The following FEM1C variants were observed in gnomAD, a reference collection of about 807,000 sequenced individuals.
FEM1C encodes fem-1 homolog C, also known as protein fem-1 homolog C.
A neutral mutation model predicts 37.6 loss-of-function variants in FEM1C; 15 were observed. That is an observed-to-expected ratio of 0.40 (90% CI 0.27 to 0.61). FEM1C has a LOEUF of 0.61. Among genes scored for constraint, FEM1C ranks in the 20% least tolerant of loss-of-function variants. The probability of loss-of-function intolerance (pLI) is 0.42; values close to 1 mark genes in which losing one functional copy is unlikely to be tolerated. For missense variants in FEM1C, 532 were observed against 749.7 expected (o/e 0.71, Z 3.39); for synonymous variants, 287 against 272.8 (o/e 1.05, Z -0.51).
In FEM1C at chr5:115,521,447, G is replaced by T. The variant is rs556109913; in HGVS notation, c.*2861C>A. ...TCATAATGGGCACCAAATTATCTTT[G>T]ATTTGGGTTTATGCCTGTCAGATTT... On this transcript the variant is annotated 3_prime_UTR_variant, in exon 3 of 3. Coordinates refer to ENST00000274457, the MANE Select transcript of FEM1C (RefSeq NM_020177.3). The T allele has an allele frequency of 6.6e-6, 1 of 151,868 alleles. No homozygotes were observed. The highest frequency in any genetic ancestry group is 1.5e-5 in the Non-Finnish European group (1 of 67,774). The allele number at this position is 151,868 out of a possible 1,614,324, so 9.4% of individuals were successfully genotyped here. A position where few individuals can be genotyped will look rare whatever the true frequency, so the allele number is the denominator to read the frequency against.
At chr5:115,535,674 T>G (rs1754110680) in intron 2 of FEM1C, among the ~76,000 whole-genome samples, 1 of 151,978 alleles carries the variant, frequency 6.6e-6, no homozygotes, top group Non-Finnish European at 1.5e-5. Context: ...CTGGTACAAC[T>G]GCTTTGAAAA....
intron 2 of FEM1C, among the ~76,000 whole-genome samples, chr5:115,532,727 A>G (rs1754042657): frequency 6.6e-6 from 1 of 152,080 alleles, no homozygotes; most frequent in Non-Finnish European, 1.5e-5. Context: ...AACTACACAG[A>G]TTCTACATAA....
chr5:115,528,958 G>C (rs954267502), intron 2 of FEM1C, among the ~76,000 whole-genome samples: 5 of 152,052 alleles, frequency 3.3e-5, no homozygotes, highest in Admixed American at 1.3e-4. Flanking sequence ...CAGCTGAATA[G>C]AGAATTAGTA....
intron 2 of FEM1C, among the ~76,000 whole-genome samples, chr5:115,535,034 A>G (rs1055210903): frequency 6.6e-6 from 1 of 152,038 alleles, no homozygotes; most frequent in Non-Finnish European, 1.5e-5. Context: ...AAATTGTATC[A>G]TTCCTCTTTA....
rs1753846142 is a variant in FEM1C at position 115,524,591 on chromosome 5, C to T, written c.1571G>A (p.Arg524Lys). The T allele has an allele frequency of 3.7e-6, 6 of 1,611,814 alleles. No homozygotes were observed. In the Admixed American group the frequency reaches 1.0e-4, roughly 27 times the overall value. ...CAGGGGACTGTTGTCATCCGAGTCTCTGACGTTCACATCAGCACCACATTC... is the reference window on the plus strand; with the variant it reads ...CAGGGGACTGTTGTCATCCGAGTCTTTGACGTTCACATCAGCACCACATTC... ...LIECGADVNV[R>K]DSDDNSPLHI... Residue 524 changes from arginine to lysine, a missense_variant, in exon 3 of 3, where the codon AGA (arginine) becomes AAA (lysine). Around this residue, in one of 3 missense-constraint regions of FEM1C, gnomAD observed 237 missense variants for 260.5 expected, o/e 0.91. Transcript: ENST00000274457.
intron 2 of FEM1C, 92 bp downstream of exon 2, chr5:115,542,858 C>T: frequency 6.8e-7 from 1 of 1,468,258 alleles, no homozygotes; most frequent in Non-Finnish European, 9.2e-7. Flanking sequence ...TCTGTCAATG[C>T]TGGTTTACTC....
Position 115,524,735 on chromosome 5 carries a change from T to C in FEM1C, c.1427A>G (p.His476Arg), listed in dbSNP as rs762288808. The C allele has an allele frequency of 6.5e-7, 1 of 1,541,918 alleles. No individual in the cohort carries two copies. Among genetic ancestry groups the C allele is most frequent in the African/African-American group, 1.4e-5 (1 of 72,414 alleles). The change falls in exon 3 of 3, where the codon CAT (histidine) becomes CGT (arginine). Residue 476 changes from histidine (H) to arginine (R), a missense_variant. Coordinates refer to ENST00000274457, the MANE Select transcript of FEM1C (RefSeq NM_020177.3). ...KQTIYRFLKL[H>R]PRGKNNFSPL... ...GCTGAAGTTATTCTTTCCCCTTGGA[T>C]GCAGCTTAAGAAACCTGTATATAGT...
At position 115,539,215 on chromosome 5, in the gene FEM1C, T is replaced by C. The variant is rs147945978; in HGVS notation, c.544+3735A>G. On this transcript the variant is annotated intron_variant, in intron 2 of 2. Transcript: ENST00000274457. Reference sequence around the variant, plus strand: ...AAATCTGAGCCTACAGCGTTTTCTATTGGTCTGTAGTACTGAATCAAGAAC... The same window carrying C: ...AAATCTGAGCCTACAGCGTTTTCTACTGGTCTGTAGTACTGAATCAAGAAC... Among the ~76,000 whole-genome samples the C allele has an allele frequency of 4.5e-3, 680 of 152,210 alleles. 9 individuals carry two copies. Among genetic ancestry groups the C allele is most frequent in the African/African-American group, 0.015 (632 of 41,558 alleles).
At chr5:115,530,635 C>G (rs1287913763) in intron 2 of FEM1C, among the ~76,000 whole-genome samples, 2 of 152,094 alleles carry the variant, frequency 1.3e-5, no homozygotes, top group Non-Finnish European at 2.9e-5. Flanking sequence ...TAAGGCAAGT[C>G]TCAACAAATG....
chr5:115,539,762 T>C (rs996963184), intron 2 of FEM1C, among the ~76,000 whole-genome samples: 15 of 152,104 alleles, frequency 9.9e-5, no homozygotes, highest in Admixed American at 5.9e-4. Flanking sequence ...TCTTGTCTTA[T>C]TGCTCTTTGT....
intron 2 of FEM1C, among the ~76,000 whole-genome samples, chr5:115,526,176 A>G (rs934192428): frequency 1.6e-4 from 25 of 152,040 alleles, no homozygotes; most frequent in African/African-American, 5.8e-4. Flanking sequence ...GCTCTTTAAT[A>G]TATCTAAGAT....
chr5:115,525,041 G>A lies in FEM1C; in HGVS notation c.1121C>T (p.Pro374Leu), dbSNP rs1293038656. 1 of 1,613,708 alleles carries A rather than the reference G, an allele frequency of 6.2e-7. No individual in the cohort carries two copies. The highest frequency in any genetic ancestry group is 1.1e-5 in the South Asian group (1 of 91,066). ...ALDMQQSNLD[P>L]LSPMTASSLL... Reference sequence around the variant, plus strand: ...GCTGCTGGCGGTCATTGGGCTTAAAGGATCCAAATTGCTCTGCTGCATATC... The same window carrying A: ...GCTGCTGGCGGTCATTGGGCTTAAAAGATCCAAATTGCTCTGCTGCATATC... Residue 374 changes from proline (P) to leucine (L), a missense_variant, in exon 3 of 3, where the codon CCT becomes CTT. Pro to Leu is a moderately conservative substitution (Grantham distance 98, BLOSUM62 -3). Around this residue, in one of 3 missense-constraint regions of FEM1C, gnomAD observed 221 missense variants for 404.1 expected, o/e 0.55. Coordinates refer to ENST00000274457, the MANE Select transcript of FEM1C (RefSeq NM_020177.3).
intron 2 of FEM1C, among the ~76,000 whole-genome samples, chr5:115,529,115 G>A (rs1163351187): frequency 2.0e-5 from 3 of 151,998 alleles, no homozygotes; most frequent in Admixed American, 6.6e-5. Context: ...AAAAAAATGG[G>A]TCCCAAAGCA....
intron 2 of FEM1C, among the ~76,000 whole-genome samples, chr5:115,527,969 C>A (rs1265065457): frequency 2.1e-5 from 3 of 145,742 alleles, no homozygotes; most frequent in African/African-American, 5.1e-5. Context: ...CCACTGCACT[C>A]CAGCCTGGTG....
At chr5:115,533,408 A>G (rs1054499429) in intron 2 of FEM1C, among the ~76,000 whole-genome samples, 3 of 152,176 alleles carry the variant, frequency 2.0e-5, no homozygotes, top group East Asian at 1.9e-4. Context: ...TAGATATGCT[A>G]TAAGTATTAA....
At chr5:115,525,756 GA>G (rs151073202) in intron 2 of FEM1C, 139 bp from the exon 3 acceptor site, 118 of 622,044 alleles carry the variant, frequency 1.9e-4, no homozygotes, top group East Asian at 6.2e-4. Context: ...TTACAAACGA[GA>G]AAAAAAAATT....
intron 1 of FEM1C, 32 bp from the exon 2 acceptor site, chr5:115,543,715 A>G: frequency 7.4e-7 from 1 of 1,348,788 alleles, no homozygotes; most frequent in South Asian, 2.0e-5. Flanking sequence ...AGCAGCATTT[A>G]ATTTTCTATA....
At chr5:115,542,703 A>C (rs1164111317) in intron 2 of FEM1C, among the ~76,000 whole-genome samples, 1 of 152,236 alleles carries the variant, frequency 6.6e-6, no homozygotes, top group Non-Finnish European at 1.5e-5. Context: ...CCATTTCCCA[A>C]GAATTTTAAG....
Position 115,543,501 on chromosome 5 carries a change from C to G in FEM1C, c.-8G>C. 3 of 1,595,054 alleles carry G rather than the reference C, an allele frequency of 1.9e-6. No homozygotes were observed. Among genetic ancestry groups the G allele is most frequent in the Non-Finnish European group, 2.6e-6 (3 of 1,173,244 alleles). The stretch of plus-strand genomic sequence containing the variant: ...TGCTGTCTTTAGATCCATTTATGTC[C>G]AGTTGAGAGGCTGTGCTTTATTTAT... On this transcript the variant is annotated 5_prime_UTR_variant, in exon 2 of 3. Transcript: ENST00000274457.
Sources: allele counts gnomAD v4.1 joint callset (sites outside exome capture counted in the v4.1 genomes callset), GRCh38; gene constraint gnomAD v4.1.1; regional missense constraint gnomAD v4.1.1; transcripts MANE v1.5; gene names NCBI Gene and HGNC (gene_info 2026-07-23, HGNC 2026-07-21).